The following ROBO1 variants were observed in gnomAD, a reference collection of about 807,000 sequenced individuals.
The protein encoded by ROBO1 is roundabout homolog 1.
ROBO1 carries 149 observed loss-of-function variants against 195.9 expected under a neutral mutation model. The observed-to-expected ratio is 0.76, with a 90% confidence interval of 0.67 to 0.87. The LOEUF (loss-of-function observed/expected upper bound fraction) is 0.87. Among genes scored for constraint, ROBO1 ranks in the 40% least tolerant of loss-of-function variants. The pLI is 0.00. For missense variants in ROBO1, 1,933 were observed against 2,068.3 expected, an observed-to-expected ratio of 0.93 and a Z score of 1.27; for synonymous variants, 816 against 733.2, an observed-to-expected ratio of 1.11 and a Z score of -1.82.
At chr3:79,075,171 T>A (rs1222382842) in intron 3 of ROBO1, among the ~76,000 whole-genome samples, 2 of 151,894 alleles carry the variant, frequency 1.3e-5, no homozygotes, top group Non-Finnish European at 2.9e-5. Flanking sequence ...AACATCATCA[T>A]TCTTAATATC....
intron 10 of ROBO1, among the ~76,000 whole-genome samples, chr3:78,676,796 C>A (rs1241416400): frequency 6.6e-6 from 1 of 152,100 alleles, no homozygotes; most frequent in Non-Finnish European, 1.5e-5. Context: ...CATGGCAGGC[C>A]AACATTCAGA....
intron 3 of ROBO1, among the ~76,000 whole-genome samples, chr3:78,973,337 T>G (rs2076810686): frequency 6.6e-6 from 1 of 151,266 alleles, no homozygotes; most frequent in African/African-American, 2.4e-5. Flanking sequence ...ATATCATCCA[T>G]GTCCCCTTTG....
intron 4 of ROBO1, among the ~76,000 whole-genome samples, chr3:78,922,272 G>A (rs983808189): frequency 3.3e-5 from 5 of 152,074 alleles, no homozygotes; most frequent in Admixed American, 6.6e-5. Flanking sequence ...AACCAAAAAT[G>A]TTCAGGAAAA....
chr3:79,529,072 G>T (rs1393439414), intron 2 of ROBO1, among the ~76,000 whole-genome samples: 1 of 152,138 alleles, frequency 6.6e-6, no homozygotes, highest in African/African-American at 2.4e-5. Context: ...TGCCTTGTAA[G>T]ACTTTTATTT....
chr3:79,745,154 C>A (rs1260502962), intron 1 of ROBO1, among the ~76,000 whole-genome samples: 7 of 152,124 alleles, frequency 4.6e-5, no homozygotes, highest in Non-Finnish European at 1.0e-4. Flanking sequence ...ACCACTCAGT[C>A]ACAGAGAAGT....
intron 4 of ROBO1, among the ~76,000 whole-genome samples, chr3:78,927,944 G>C (rs965074224): frequency 1.7e-4 from 26 of 152,150 alleles, no homozygotes; most frequent in Admixed American, 3.9e-4. Flanking sequence ...GCCTAACATA[G>C]TAAACAGCAG....
chr3:79,630,471 A>T (rs751777460), intron 1 of ROBO1, among the ~76,000 whole-genome samples: 38 of 152,128 alleles, frequency 2.5e-4, no homozygotes, highest in Admixed American at 1.0e-3. Flanking sequence ...TTCACAAAAT[A>T]GGCATCAAAG....
intron 1 of ROBO1, among the ~76,000 whole-genome samples, chr3:79,740,766 G>T (rs746009898): frequency 6.6e-6 from 1 of 152,098 alleles, no homozygotes; most frequent in Non-Finnish European, 1.5e-5. Context: ...CTTAATCTTG[G>T]ATATTTGGAA....
intron 3 of ROBO1, among the ~76,000 whole-genome samples, chr3:79,007,455 T>C (rs544227108): frequency 5.3e-5 from 8 of 152,248 alleles, no homozygotes; most frequent in South Asian, 2.1e-4. Context: ...GATTCTCTGA[T>C]AGATTGAGAA....
At chr3:78,727,132 A>G (rs934056747) in intron 5 of ROBO1, among the ~76,000 whole-genome samples, 1 of 152,282 alleles carries the variant, frequency 6.6e-6, no homozygotes, top group Admixed American at 6.5e-5. Flanking sequence ...TGCTAGTACC[A>G]TAATTATTTT....
intron 3 of ROBO1, among the ~76,000 whole-genome samples, chr3:79,055,208 C>T (rs773805095): frequency 1.6e-4 from 24 of 152,198 alleles, no homozygotes; most frequent in Non-Finnish European, 2.6e-4. Flanking sequence ...TCGTGTCTGC[C>T]AAGGTTCCTG....
chr3:79,140,506 G>A (rs775481922), intron 2 of ROBO1, among the ~76,000 whole-genome samples: 7 of 152,038 alleles, frequency 4.6e-5, no homozygotes, highest in Non-Finnish European at 1.0e-4. Context: ...ACAGGAGTCT[G>A]TGAGCATTAA....
chr3:79,106,518 C>G (rs2079783389), intron 3 of ROBO1, among the ~76,000 whole-genome samples: 1 of 151,436 alleles, frequency 6.6e-6, no homozygotes, highest in African/African-American at 2.4e-5. Context: ...TAGCACTTTC[C>G]TCATGTATTA....
At chr3:79,607,003 T>C (rs1944506755) in intron 1 of ROBO1, among the ~76,000 whole-genome samples, 1 of 151,650 alleles carries the variant, frequency 6.6e-6, no homozygotes, top group Non-Finnish European at 1.5e-5. Context: ...TTACTGAGAT[T>C]TCCGATAGCA....
At chr3:79,557,741 AAAATAT>A (rs1559990978) in intron 2 of ROBO1, among the ~76,000 whole-genome samples, 1 of 105,972 alleles carries the variant, frequency 9.4e-6, no homozygotes, top group East Asian at 2.0e-4. Context: ...AAAACAAAAA[AAAATAT>A]ATATATATAT....
chr3:79,606,557 C>T (rs1384369457), intron 1 of ROBO1, among the ~76,000 whole-genome samples: 1 of 151,960 alleles, frequency 6.6e-6, no homozygotes, highest in Non-Finnish European at 1.5e-5. Context: ...GCACTACAGG[C>T]ATTCACCACT....
At chr3:79,523,769 C>T (rs968320323) in intron 2 of ROBO1, among the ~76,000 whole-genome samples, 3 of 152,028 alleles carry the variant, frequency 2.0e-5, no homozygotes, top group East Asian at 1.9e-4. Context: ...CCACTGCGCT[C>T]GGCCTAGACT....
chr3:78,654,981 A>T (rs1232952521), intron 18 of ROBO1, among the ~76,000 whole-genome samples: 1 of 152,148 alleles, frequency 6.6e-6, no homozygotes, highest in Non-Finnish European at 1.5e-5. Flanking sequence ...CTCAATATAA[A>T]CTGTTTTCCT....
chr3:79,645,353 T>G, intron 1 of ROBO1, among the ~76,000 whole-genome samples: 1 of 151,896 alleles, frequency 6.6e-6, no homozygotes, highest in Non-Finnish European at 1.5e-5. Flanking sequence ...AATAAAAAAA[T>G]TAGCCAGCCA....
Sources: gnomAD v4.1 joint callset for allele counts (sites outside exome capture counted in the v4.1 genomes callset) on GRCh38, gnomAD v4.1.1 for gene constraint, MANE v1.5 for transcripts, NCBI Gene and HGNC (gene_info 2026-07-23, HGNC 2026-07-21) for gene names.